Variants in GPC5 observed in about 807,000 individuals in gnomAD.
GPC5 encodes the protein glypican-5.
A neutral mutation model predicts 53.9 loss-of-function variants in GPC5; 47 were observed. The ratio of observed to expected loss-of-function variants is 0.87; its 90% CI spans 0.69 to 1.11. GPC5 has a LOEUF of 1.11. Ranked by LOEUF, GPC5 falls within the 50% of genes most tolerant of loss-of-function variation. The pLI is 0.00. For missense variants in GPC5, 748 were observed against 713.1 expected (o/e 1.05, Z -0.56); for synonymous variants, 286 against 263.3 (o/e 1.09, Z -0.84).
At chr13:92,440,392 A>G (rs889781149) in intron 7 of GPC5, among the ~76,000 whole-genome samples, 3 of 152,074 alleles carry the variant, frequency 2.0e-5, no homozygotes, top group African/African-American at 4.8e-5. Flanking sequence ...TCTTAGGGTA[A>G]TGGCCACCAG....
rs187147051 is a variant in GPC5, at chr13:91,540,291, T to C, written c.325+91369T>C. Among the ~76,000 whole-genome samples the C allele has an allele frequency of 1.4e-3, 219 of 152,330 alleles. 1 individual carries two copies. The highest frequency in any genetic ancestry group is 5.0e-3 in the African/African-American group (208 of 41,572). On this transcript the variant is annotated intron_variant, in intron 2 of 7. Transcript: ENST00000377067. ...AATAAACTCTGCCCACTCACAACAC[T>C]TCTCTGCCTTGTAAGACCTGCCTCA...
intron 7 of GPC5, among the ~76,000 whole-genome samples, chr13:92,235,366 A>G (rs2042562223): frequency 6.6e-6 from 1 of 151,998 alleles, no homozygotes; most frequent in Admixed American, 6.6e-5. Flanking sequence ...TATTTTTGTC[A>G]CCCGTAATTT....
At chr13:91,975,931 C>A (rs1423271985) in intron 6 of GPC5, among the ~76,000 whole-genome samples, 3 of 152,112 alleles carry the variant, frequency 2.0e-5, no homozygotes, top group Non-Finnish European at 4.4e-5. Context: ...CCATGGAATA[C>A]CATGCAGCCA....
rs572511123 is a variant in GPC5 at position 91,683,289 on chromosome 13, C to A, written c.326-9898C>A. ...GAAAGGAATGAATTCTCTTTCAGAA[C>A]CTCCAGAGGCAGTGCAGCCCAGACC... On this transcript the variant is annotated intron_variant, in intron 2 of 7. Coordinates refer to ENST00000377067, the MANE Select transcript of GPC5 (RefSeq NM_004466.6). Among the ~76,000 whole-genome samples the A allele has an allele frequency of 6.6e-5, 10 of 152,278 alleles. No homozygotes were observed. In the East Asian group the frequency reaches 1.7e-3, roughly 26 times the overall value.
At chr13:92,509,861 C>A (rs1188724020) in intron 7 of GPC5, 1 of 152,100 alleles carries the variant, frequency 6.6e-6, no homozygotes, top group Non-Finnish European at 1.5e-5. Context: ...AATATTTTTG[C>A]TCATTCTGCT....
intron 7 of GPC5, among the ~76,000 whole-genome samples, chr13:92,833,015 A>G (rs1857654604): frequency 6.6e-6 from 1 of 152,198 alleles, no homozygotes; most frequent in African/African-American, 2.4e-5. Context: ...CAAAACAAAC[A>G]AAACAAAACA....
chr13:91,503,822 G>A (rs1005776653), intron 2 of GPC5, among the ~76,000 whole-genome samples: 48 of 86,000 alleles, frequency 5.6e-4, no homozygotes, highest in Admixed American at 3.6e-3. Flanking sequence ...ATAATAATCA[G>A]GCTGTTGTGG....
intron 6 of GPC5, among the ~76,000 whole-genome samples, chr13:92,052,692 A>G (rs368249147): frequency 3.3e-4 from 50 of 152,310 alleles, no homozygotes; most frequent in African/African-American, 1.1e-3. Flanking sequence ...TTCCAGCTAG[A>G]CAGAAAAGTT....
chr13:92,156,712 ACTG>A (rs2041947507), intron 7 of GPC5, among the ~76,000 whole-genome samples: 2 of 152,182 alleles, frequency 1.3e-5, no homozygotes, highest in Non-Finnish European at 2.9e-5. Flanking sequence ...TGCAACCACC[ACTG>A]CTATCTTACG....
At chr13:91,418,129 C>T (rs560742620) in intron 1 of GPC5, among the ~76,000 whole-genome samples, 8 of 152,024 alleles carry the variant, frequency 5.3e-5, no homozygotes, top group Non-Finnish European at 1.2e-4. Flanking sequence ...ATTTAGTAGT[C>T]GCTGAGTTGT....
chr13:92,455,811 C>T (rs754939875), intron 7 of GPC5, among the ~76,000 whole-genome samples: 5 of 152,134 alleles, frequency 3.3e-5, no homozygotes, highest in Non-Finnish European at 7.4e-5. Flanking sequence ...TCAAGGCCAT[C>T]AGGGAAAAAT....
At chr13:92,145,504 A>G (rs2041860799) in intron 7 of GPC5, among the ~76,000 whole-genome samples, 1 of 152,074 alleles carries the variant, frequency 6.6e-6, no homozygotes, top group Non-Finnish European at 1.5e-5. Flanking sequence ...CTCACTAAAC[A>G]TTGATTTTGA....
intron 4 of GPC5, among the ~76,000 whole-genome samples, chr13:91,729,606 T>G (rs1302445165): frequency 1.3e-5 from 2 of 152,170 alleles, no homozygotes; most frequent in Non-Finnish European, 2.9e-5. Flanking sequence ...ATGGGCTGTA[T>G]GCATGGGATA....
intron 4 of GPC5, among the ~76,000 whole-genome samples, chr13:91,731,424 T>C (rs1279172603): frequency 6.6e-6 from 1 of 152,178 alleles, no homozygotes; most frequent in African/African-American, 2.4e-5. Context: ...ATATGATACA[T>C]TTTTGTTTTA....
intron 3 of GPC5, among the ~76,000 whole-genome samples, chr13:91,707,437 A>G (rs1237207853): frequency 1.3e-5 from 2 of 152,234 alleles, no homozygotes; most frequent in East Asian, 1.9e-4. Context: ...AGCCTGAGCA[A>G]CATAGCGAGA....
chr13:92,527,191 A>AAG (rs1491041961), intron 7 of GPC5, among the ~76,000 whole-genome samples: 2 of 19,374 alleles, frequency 1.0e-4, no homozygotes, highest in African/African-American at 6.8e-4. Context: ...AGAAGAAAGA[A>AAG]AGAAAGAAAG....
intron 6 of GPC5, among the ~76,000 whole-genome samples, chr13:92,142,724 T>G (rs2138980959): frequency 6.6e-6 from 1 of 152,204 alleles, no homozygotes; most frequent in East Asian, 1.9e-4. Context: ...CTGTTGGTGG[T>G]GTTAATGAGA....
At chr13:91,604,075 T>C (rs1387464683) in intron 2 of GPC5, among the ~76,000 whole-genome samples, 1 of 149,126 alleles carries the variant, frequency 6.7e-6, no homozygotes, top group Non-Finnish European at 1.5e-5. Flanking sequence ...TAGCATTAGG[T>C]ATATCTCCCG....
intron 7 of GPC5, among the ~76,000 whole-genome samples, chr13:92,470,985 C>T (rs922083085): frequency 5.3e-5 from 8 of 151,996 alleles, no homozygotes; most frequent in African/African-American, 7.2e-5. Context: ...GCCTCTTTCT[C>T]GAGTTTGTAT....
Sources: gnomAD v4.1 joint callset for allele counts (sites outside exome capture counted in the v4.1 genomes callset) on GRCh38, gnomAD v4.1.1 for gene constraint, MANE v1.5 for transcripts, NCBI Gene and HGNC (gene_info 2026-07-23, HGNC 2026-07-21) for gene names.